The following CGA variants were observed in gnomAD, a reference collection of about 807,000 sequenced individuals.
CGA encodes glycoprotein hormones, alpha polypeptide, also known as glycoprotein hormones alpha chain.
A neutral mutation model predicts 12.0 loss-of-function variants in CGA; 4 were observed. The ratio of observed to expected loss-of-function variants is 0.33; its 90% confidence interval spans 0.16 to 0.76. CGA has a LOEUF of 0.76. Ranked by LOEUF, CGA falls within the 30% of genes least tolerant of loss-of-function variation. The pLI, the probability that CGA is intolerant of heterozygous loss-of-function variation, is 0.60. For synonymous variants in CGA, 60 were observed against 56.6 expected (o/e 1.06, Z -0.27); for missense variants, 102 against 143.5 (o/e 0.71, Z 1.48).
intron 1 of CGA, among the ~76,000 whole-genome samples, 171 bp from the exon 2 acceptor site, chr6:87,088,378 T>A (rs10440806): frequency 9.9e-4 from 151 of 152,154 alleles, no homozygotes; most frequent in African/African-American, 3.3e-3. Flanking sequence ...TAATTTTTTT[T>A]AAAAAAAGTT....
intron 2 of CGA, 169 bp from the exon 3 acceptor site, chr6:87,086,603 C>T: frequency 1.7e-6 from 1 of 588,854 alleles, no homozygotes; most frequent in Non-Finnish European, 3.0e-6. Flanking sequence ...ATGGTGAAAC[C>T]CTGTCTCTAC....
At chr6:87,090,549 A>C (rs907339309) in intron 1 of CGA, among the ~76,000 whole-genome samples, 2 of 152,064 alleles carry the variant, frequency 1.3e-5, no homozygotes, top group Non-Finnish European at 2.9e-5. Context: ...TAAATGAATA[A>C]ATATTTTTAA....
At position 87,088,180 on chromosome 6, in the gene CGA, A is replaced by C. The variant is rs1769358612; in HGVS notation, c.21T>G (p.Tyr7Ter). The C allele has an allele frequency of 6.3e-7, 1 of 1,587,520 alleles. No individual in the cohort carries two copies. The highest frequency in any genetic ancestry group is 8.6e-7 in the Non-Finnish European group (1 of 1,166,874). MDYYRK[Y>*]AAIFLVTLSV... ...ACAATGTGACCAGAAAGATAGCTGC[A>C]TATTTTCTGTAGTAATCCATGGCGC... Residue 7 changes from tyrosine to a stop codon, truncating the protein, a stop_gained, in exon 2 of 4, where the codon TAT (tyrosine) becomes TAG (stop). Transcript: ENST00000627148. LOFTEE classifies it high-confidence loss of function.
intron 1 of CGA, among the ~76,000 whole-genome samples, chr6:87,091,715 T>C (rs1490644215): frequency 6.6e-6 from 1 of 152,174 alleles, no homozygotes; most frequent in Non-Finnish European, 1.5e-5. Flanking sequence ...TTTCAGTTCA[T>C]CTACTTCAGA....
intron 1 of CGA, among the ~76,000 whole-genome samples, chr6:87,090,504 ATATGT>A (rs1332940825): frequency 1.3e-5 from 2 of 152,166 alleles, no homozygotes; most frequent in African/African-American, 4.8e-5. Flanking sequence ...AAAAATAAAT[ATATGT>A]TATATGTGTT....
intron 1 of CGA, among the ~76,000 whole-genome samples, chr6:87,093,789 T>C (rs530770814): frequency 4.6e-5 from 7 of 152,196 alleles, no homozygotes; most frequent in Non-Finnish European, 1.0e-4. Context: ...GGAACATAAT[T>C]AATTGCTTTT....
intron 3 of CGA, 93 bp downstream of exon 3, chr6:87,086,157 A>T: frequency 8.7e-7 from 1 of 1,147,572 alleles, no homozygotes; most frequent in Non-Finnish European, 1.3e-6. Context: ...CTGGGTCATT[A>T]GACACCTTTG....
intron 1 of CGA, among the ~76,000 whole-genome samples, chr6:87,088,657 C>T (rs899737745): frequency 9.9e-5 from 15 of 151,930 alleles, no homozygotes; most frequent in South Asian, 2.1e-4. Context: ...AAGTATTCAA[C>T]ATTATCAGCC....
intron 2 of CGA, among the ~76,000 whole-genome samples, chr6:87,087,167 T>C (rs1299312229): frequency 1.3e-5 from 2 of 152,208 alleles, no homozygotes; most frequent in East Asian, 3.8e-4. Flanking sequence ...ATATTATTTT[T>C]TCATCAAAAA....
intron 3 of CGA, 132 bp downstream of exon 3, chr6:87,086,118 T>G (rs1472727438): frequency 2.5e-6 from 2 of 786,508 alleles, no homozygotes; most frequent in Admixed American, 2.5e-5. Flanking sequence ...AGAAATGTAT[T>G]CCCCACCTGT....
intron 1 of CGA, chr6:87,089,108 G>A (rs924353329): frequency 3.3e-5 from 5 of 152,188 alleles, no homozygotes; most frequent in Non-Finnish European, 7.3e-5. Context: ...AGCTTGAATG[G>A]ATCTCAAGAG....
chr6:87,086,205 C>A, intron 3 of CGA, 45 bp downstream of exon 3: 1 of 1,534,776 alleles, frequency 6.5e-7, no homozygotes, highest in Non-Finnish European at 8.9e-7. Flanking sequence ...GAACATTTCT[C>A]TGATTGGGCT....
intron 1 of CGA, among the ~76,000 whole-genome samples, chr6:87,091,996 G>A (rs767627070): frequency 2.0e-5 from 3 of 152,122 alleles, no homozygotes; most frequent in Non-Finnish European, 2.9e-5. Context: ...CTGGGCAACA[G>A]AGAGACTCCG....
At chr6:87,088,931 C>T (rs1769379309) in intron 1 of CGA, 2 of 152,064 alleles carry the variant, frequency 1.3e-5, no homozygotes, top group Admixed American at 1.3e-4. Flanking sequence ...TATGTTCACA[C>T]AAAACTTATA....
intron 1 of CGA, among the ~76,000 whole-genome samples, chr6:87,094,600 C>T (rs1212559213): frequency 6.6e-6 from 1 of 152,324 alleles, no homozygotes; most frequent in Middle Eastern, 3.4e-3. Flanking sequence ...AAGTGAACCA[C>T]TTTATCATGG....
At chr6:87,091,299 T>C (rs953334947) in intron 1 of CGA, among the ~76,000 whole-genome samples, 2 of 152,188 alleles carry the variant, frequency 1.3e-5, no homozygotes, top group African/African-American at 4.8e-5. Flanking sequence ...TCTTTGCCTG[T>C]ATTTTGAAAA....
chr6:87,087,615 C>T (rs2127754269), intron 2 of CGA: 1 of 152,230 alleles, frequency 6.6e-6, no homozygotes, highest in South Asian at 2.1e-4. Flanking sequence ...TAGAGAAAAA[C>T]CATAACCAAT....
At chr6:87,090,974 A>C (rs2127755079) in intron 1 of CGA, among the ~76,000 whole-genome samples, 1 of 151,870 alleles carries the variant, frequency 6.6e-6, no homozygotes, top group Middle Eastern at 3.4e-3. Flanking sequence ...TTAAGAGTGT[A>C]AACAGGTTCT....
chr6:87,088,243 A>G, intron 1 of CGA, 36 bp from the exon 2 acceptor site: 1 of 1,254,106 alleles, frequency 8.0e-7, no homozygotes. Context: ...AAAAACAAAA[A>G]ACAGTTAATC....
Sources: gnomAD v4.1 joint callset for allele counts (sites outside exome capture counted in the v4.1 genomes callset) on GRCh38, gnomAD v4.1.1 for gene constraint, MANE v1.5 for transcripts, NCBI Gene and HGNC (gene_info 2026-07-23, HGNC 2026-07-21) for gene names.